The following PRDM15 variants were observed in gnomAD, a reference collection of about 807,000 sequenced individuals.
PRDM15 encodes the protein PR/SET domain 15.
In PRDM15, 64 loss-of-function variants were observed where a neutral mutation model predicts 128.6. The ratio of observed to expected loss-of-function variants is 0.50; its 90% CI spans 0.41 to 0.61. The LOEUF (loss-of-function observed/expected upper bound fraction) is 0.61. Ranked by LOEUF, PRDM15 falls within the 20% of genes least tolerant of loss-of-function variation. PRDM15 has a pLI of 0.00. For synonymous variants in PRDM15, 615 were observed against 621.8 expected (o/e 0.99, Z 0.16); for missense variants, 1,242 against 1,569.1 (o/e 0.79, Z 3.52).
chr21:41,830,951 C>G (rs2062668174), intron 11 of PRDM15, among the ~76,000 whole-genome samples: 1 of 151,802 alleles, frequency 6.6e-6, no homozygotes, highest in South Asian at 2.1e-4. Context: ...TCCCCTCGCC[C>G]TGCCCCCATC....
intron 3 of PRDM15, chr21:41,858,967 C>T (rs111339692): frequency 1.0e-5 from 13 of 1,282,180 alleles, no homozygotes; most frequent in South Asian, 2.8e-5. Flanking sequence ...AACCACCCCA[C>T]GGGAACTGCC....
intron 21 of PRDM15, among the ~76,000 whole-genome samples, chr21:41,809,923 A>G (rs1329894225): frequency 6.6e-6 from 1 of 151,950 alleles, no homozygotes; most frequent in Non-Finnish European, 1.5e-5. Context: ...TTCAGGGAGG[A>G]CGTAATTTAT....
chr21:41,838,172 T>C, intron 7 of PRDM15, 109 bp from the exon 8 acceptor site: 1 of 1,184,022 alleles, frequency 8.4e-7, no homozygotes. Context: ...GCCAGAATGG[T>C]AGGCACAAAT....
chr21:41,806,522 TCACCACCAC>T (rs1297465323), intron 21 of PRDM15, among the ~76,000 whole-genome samples: 25,676 of 45,100 alleles, frequency 0.57, 4,941 homozygotes, highest in Middle Eastern at 0.73. Context: ...ACCACCACCA[TCACCACCAC>T]CATCACTACC....
chr21:41,857,119 A>C (rs1309562485), intron 4 of PRDM15, 57 bp downstream of exon 4: 1 of 1,531,384 alleles, frequency 6.5e-7, no homozygotes. Context: ...CCATTCCCAC[A>C]TGGGAACGCC....
intron 1 of PRDM15, among the ~76,000 whole-genome samples, chr21:41,863,896 T>G (rs981586017): frequency 2.6e-5 from 4 of 151,068 alleles, no homozygotes; most frequent in African/African-American, 9.8e-5. Flanking sequence ...CAGGCTGGAG[T>G]GCAGTGGCGC....
At chr21:41,848,808 G>A (rs1029571487) in intron 5 of PRDM15, among the ~76,000 whole-genome samples, 1 of 152,210 alleles carries the variant, frequency 6.6e-6, no homozygotes, top group African/African-American at 2.4e-5. Flanking sequence ...CATGACGACT[G>A]CCCGCTCATC....
chr21:41,805,302 C>A (rs4919918), intron 21 of PRDM15, among the ~76,000 whole-genome samples: 1,926 of 152,324 alleles, frequency 0.013, 24 homozygotes, highest in Non-Finnish European at 0.021. Flanking sequence ...AGTACAGAGA[C>A]AGCCGAACGT....
Position 41,839,606 on chromosome 21 carries a change from C to G in PRDM15, c.871+17G>C, listed in dbSNP as rs369416250. 1 of 1,611,110 alleles carries G rather than the reference C, an allele frequency of 6.2e-7. No homozygotes were observed. The highest frequency in any genetic ancestry group is 8.5e-7 in the Non-Finnish European group (1 of 1,177,294). On this transcript the variant is annotated intron_variant, in intron 7 of 23. Coordinates refer to ENST00000398548, the MANE Select transcript of PRDM15 (RefSeq NM_001040424.3). The stretch of plus-strand genomic sequence containing the variant: ...TGCGCCCCACGCAGGCACTCATCCC[C>G]GGGACCCGCTCATCACCTGTGGGTT...
Position 41,828,966 on chromosome 21 carries a change from C to A in PRDM15, c.1367-633G>T, listed in dbSNP as rs1407767046. On this transcript the variant is annotated intron_variant, in intron 11 of 23. Transcript: ENST00000398548. The surrounding 1 kb of genome is among the most constrained non-coding windows in gnomAD (Gnocchi z 5.7). Reference sequence around the variant, plus strand: ...AATACACAATCACACACACCACATACACACACCACGCACACATGCCCCACA... The same window carrying A: ...AATACACAATCACACACACCACATAAACACACCACGCACACATGCCCCACA... Among the ~76,000 whole-genome samples, 2 of 111,824 alleles carry A rather than the reference C, an allele frequency of 1.8e-5. No individual in the cohort carries two copies. Among genetic ancestry groups the A allele is most frequent in the African/African-American group, 7.7e-5 (2 of 26,106 alleles). The allele number at this position is 111,824 out of a possible 152,430, so 73.4% of individuals were successfully genotyped here.
chr21:41,844,400 TC>T (rs2063165704), intron 6 of PRDM15, among the ~76,000 whole-genome samples: 8 of 96,012 alleles, frequency 8.3e-5, no homozygotes, highest in South Asian at 7.2e-4. Context: ...ACACAGCCCC[TC>T]CCCCCTCACA....
At chr21:41,824,467 C>T (rs1489540429) in intron 13 of PRDM15, among the ~76,000 whole-genome samples, 1 of 152,186 alleles carries the variant, frequency 6.6e-6, no homozygotes, top group Non-Finnish European at 1.5e-5. Context: ...TCACACCTGC[C>T]TCAACCCTCA....
At chr21:41,813,164 A>G (rs2061921989) in intron 19 of PRDM15, 1 of 152,196 alleles carries the variant, frequency 6.6e-6, no homozygotes, top group Admixed American at 6.5e-5. Context: ...TCAAAATGGG[A>G]ACAAGACAAG....
At chr21:41,851,436 G>A (rs1284098806) in intron 5 of PRDM15, among the ~76,000 whole-genome samples, 1 of 151,698 alleles carries the variant, frequency 6.6e-6, no homozygotes, top group African/African-American at 2.4e-5. Flanking sequence ...GGCCCTGGGT[G>A]CATTGGGCGG....
chr21:41,823,024 C>T (rs183588642), intron 14 of PRDM15, among the ~76,000 whole-genome samples: 48 of 138,168 alleles, frequency 3.5e-4, no homozygotes, highest in African/African-American at 1.2e-3. Flanking sequence ...AACGAGACTC[C>T]GTCTCAAAAA....
chr21:41,804,402 G>T (rs1292952233), intron 22 of PRDM15, 132 bp downstream of exon 22: 1 of 684,032 alleles, frequency 1.5e-6, no homozygotes, highest in Non-Finnish European at 2.5e-6. Flanking sequence ...GAGAAGCCAA[G>T]AAAACAGGGT....
intron 14 of PRDM15, among the ~76,000 whole-genome samples, chr21:41,822,846 C>T (rs376023053): frequency 2.4e-4 from 36 of 152,104 alleles, no homozygotes; most frequent in African/African-American, 6.5e-4. Flanking sequence ...ACCAGCCGGG[C>T]CAACAAGGTG....
chr21:41,859,249 A>G lies in PRDM15; in HGVS notation c.131+343T>C, dbSNP rs1323604066. On this transcript the variant is annotated intron_variant, in intron 3 of 23. Coordinates refer to ENST00000398548, the MANE Select transcript of PRDM15 (RefSeq NM_001040424.3). This position sits in a 1 kb window ranked among gnomAD's most constrained non-coding sequence, Gnocchi z 5.3. Reference sequence around the variant, plus strand: ...AAGACCTGGAATGCAGAGAGAAGCCAACGAGCAGACCTCCAGCTTGGCTGC... The same window carrying G: ...AAGACCTGGAATGCAGAGAGAAGCCGACGAGCAGACCTCCAGCTTGGCTGC... 3 of 1,611,026 alleles carry G rather than the reference A, an allele frequency of 1.9e-6. No individual in the cohort carries two copies. In the East Asian group the frequency reaches 6.7e-5, roughly 36 times the overall value.
At position 41,821,402 on chromosome 21, in the gene PRDM15, TA is replaced by T. The variant is rs1568922426; in HGVS notation, c.1897-173del. On this transcript the variant is annotated intron_variant, in intron 15 of 23. Coordinates refer to ENST00000398548, the MANE Select transcript of PRDM15 (RefSeq NM_001040424.3). The surrounding 1 kb of genome is among the most constrained non-coding windows in gnomAD (Gnocchi z 5.4). ...TTGATGGGGAACTTTTCCGAAGCCATAAGGCCTCATGCCCAAAACTCAAGAG... is the reference window on the plus strand; with the variant it reads ...TTGATGGGGAACTTTTCCGAAGCCATAGGCCTCATGCCCAAAACTCAAGAG... Among the ~76,000 whole-genome samples the T allele has an allele frequency of 6.6e-6, 1 of 152,126 alleles. No individual in the cohort carries two copies. The highest frequency in any genetic ancestry group is 1.5e-5 in the Non-Finnish European group (1 of 68,016).
Sources: allele counts gnomAD v4.1 joint callset (sites outside exome capture counted in the v4.1 genomes callset), GRCh38; gene constraint gnomAD v4.1.1; non-coding constraint Gnocchi (gnomAD v3.1); transcripts MANE v1.5; gene names NCBI Gene and HGNC (gene_info 2026-07-23, HGNC 2026-07-21).